Variants in FBXL17 observed in about 807,000 individuals in gnomAD.
The protein encoded by FBXL17 is F-box and leucine rich repeat protein 17.
In FBXL17, 22 loss-of-function variants were observed where a neutral mutation model predicts 66.2. That is an observed-to-expected ratio of 0.33 (90% CI 0.24 to 0.47). The LOEUF is 0.47. FBXL17 is among the 20% of genes least tolerant of loss of function. The probability of loss-of-function intolerance (pLI) is 1.00; values close to 1 mark genes in which losing one functional copy is unlikely to be tolerated. For synonymous variants in FBXL17, 474 were observed against 400.5 expected, an observed-to-expected ratio of 1.18 and a Z score of -2.19; for missense variants, 878 against 948.2, an observed-to-expected ratio of 0.93 and a Z score of 0.97.
At chr5:108,236,959 G>A (rs1027707649) in intron 4 of FBXL17, among the ~76,000 whole-genome samples, 3 of 152,090 alleles carry the variant, frequency 2.0e-5, no homozygotes, top group Non-Finnish European at 2.9e-5. Flanking sequence ...ATATAGATTC[G>A]GGTTAGGAGT....
chr5:108,295,975 A>AC (rs1334534080), intron 4 of FBXL17, among the ~76,000 whole-genome samples: 2 of 151,672 alleles, frequency 1.3e-5, no homozygotes, highest in Non-Finnish European at 3.0e-5. Context: ...AAAAAAAAAA[A>AC]AAAAAACCTT....
chr5:108,261,331 G>T (rs531296725), intron 4 of FBXL17, among the ~76,000 whole-genome samples: 1 of 151,986 alleles, frequency 6.6e-6, no homozygotes, highest in African/African-American at 2.4e-5. Context: ...AACTAAAAAA[G>T]AAAGATCAAA....
At chr5:107,884,245 A>T (rs1274475679) in intron 7 of FBXL17, among the ~76,000 whole-genome samples, 1 of 152,170 alleles carries the variant, frequency 6.6e-6, no homozygotes, top group Admixed American at 6.5e-5. Context: ...ACAGAACAAC[A>T]TTTAGCTGGG....
At chr5:107,888,443 C>T (rs2112512843) in intron 7 of FBXL17, among the ~76,000 whole-genome samples, 1 of 152,264 alleles carries the variant, frequency 6.6e-6, no homozygotes, top group South Asian at 2.1e-4. Context: ...GTAAAGTTCA[C>T]ACAGCTGTGT....
chr5:108,055,485 T>G (rs1054491336), intron 6 of FBXL17, among the ~76,000 whole-genome samples: 1 of 149,950 alleles, frequency 6.7e-6, no homozygotes. Flanking sequence ...GGTGGGCGCC[T>G]GTAGTCCCAG....
At chr5:108,361,245 C>T (rs1033355880) in intron 3 of FBXL17, among the ~76,000 whole-genome samples, 6 of 152,146 alleles carry the variant, frequency 3.9e-5, no homozygotes, top group African/African-American at 1.4e-4. Context: ...CTTCCCTACG[C>T]TTCACTATTT....
rs1751874739 is a variant in FBXL17 at position 107,960,884 on chromosome 5, ATC to A, written c.1822+60039_1822+60040del. On this transcript the variant is annotated intron_variant, in intron 7 of 8. Coordinates refer to ENST00000542267, the MANE Select transcript of FBXL17 (RefSeq NM_001163315.3). ...CAATCCAAACTGTAGGGAGTTCCAA[ATC>A]TATAGACAAAGAAGGGGAAGTAAGT... 4.6e-5 allele frequency among the ~76,000 whole-genome samples: 7 copies of A among 152,304 alleles called. 1 individual carries two copies. The South Asian group carries it at 1.4e-3, about 32-fold the overall frequency.
chr5:108,371,678 A>T (rs1269451732), intron 1 of FBXL17, among the ~76,000 whole-genome samples: 1 of 152,228 alleles, frequency 6.6e-6, no homozygotes, highest in Non-Finnish European at 1.5e-5. Context: ...AATTATGAGA[A>T]CCAAATAGAA....
At chr5:107,913,418 T>C (rs1274767304) in intron 7 of FBXL17, among the ~76,000 whole-genome samples, 1 of 152,160 alleles carries the variant, frequency 6.6e-6, no homozygotes, top group Non-Finnish European at 1.5e-5. Context: ...AAGTAACATT[T>C]GCTTCTGATA....
intron 7 of FBXL17, among the ~76,000 whole-genome samples, chr5:107,969,969 C>A: frequency 6.6e-6 from 1 of 152,278 alleles, no homozygotes; most frequent in Middle Eastern, 3.4e-3. Context: ...AAAAACCTCA[C>A]TAGGGCATAT....
intron 4 of FBXL17, among the ~76,000 whole-genome samples, chr5:108,237,405 C>A (rs1477897775): frequency 2.0e-5 from 3 of 152,170 alleles, no homozygotes; most frequent in African/African-American, 7.2e-5. Flanking sequence ...CATCCCAGTT[C>A]GGTTCAGTTC....
At chr5:108,168,145 AC>A (rs1360424091) in intron 6 of FBXL17, among the ~76,000 whole-genome samples, 2 of 150,104 alleles carry the variant, frequency 1.3e-5, no homozygotes, top group Non-Finnish European at 3.0e-5. Context: ...TAAAAATTGA[AC>A]AAAATTTACT....
intron 6 of FBXL17, among the ~76,000 whole-genome samples, chr5:108,074,541 C>G (rs1303007035): frequency 6.6e-6 from 1 of 151,962 alleles, no homozygotes; most frequent in Non-Finnish European, 1.5e-5. Context: ...CTATTTATCT[C>G]TACTCTTTCT....
chr5:108,142,880 T>C (rs1319501979), intron 6 of FBXL17, among the ~76,000 whole-genome samples: 2 of 151,952 alleles, frequency 1.3e-5, no homozygotes, highest in Non-Finnish European at 2.9e-5. Flanking sequence ...GAATACCTAA[T>C]GTAGATGACG....
At chr5:108,378,329 T>TTTTG (rs149601086) in intron 1 of FBXL17, among the ~76,000 whole-genome samples, 35,369 of 150,680 alleles carry the variant, frequency 0.23, 5,351 homozygotes, top group African/African-American at 0.43. Flanking sequence ...CGTTTTTGTT[T>TTTTG]TTTGTTTTTT....
intron 6 of FBXL17, among the ~76,000 whole-genome samples, chr5:108,055,881 C>G (rs995753426): frequency 4.6e-5 from 7 of 151,918 alleles, no homozygotes; most frequent in African/African-American, 1.7e-4. Context: ...GTCCTCATGT[C>G]ATTTTTAGCT....
intron 3 of FBXL17, among the ~76,000 whole-genome samples, chr5:108,356,324 C>G (rs1747984541): frequency 6.6e-6 from 1 of 151,990 alleles, no homozygotes; most frequent in Non-Finnish European, 1.5e-5. Flanking sequence ...AATCATGTAC[C>G]TTGGTTTGTA....
intron 4 of FBXL17, among the ~76,000 whole-genome samples, chr5:108,347,587 G>A (rs1038666117): frequency 2.6e-4 from 39 of 152,210 alleles, no homozygotes; most frequent in African/African-American, 8.9e-4. Context: ...ACAAGACCAC[G>A]TATCACGTGA....
At position 108,035,387 on chromosome 5, in the gene FBXL17, A is replaced by T. The variant is rs145028529; in HGVS notation, c.1746-14386T>A. On this transcript the variant is annotated intron_variant, in intron 6 of 8. Coordinates refer to ENST00000542267, the MANE Select transcript of FBXL17 (RefSeq NM_001163315.3). ...TTTGTTTGTTTTTTTCTTTTCTGAGATGGAGTGTCGCTTTTGTTGCCCAGG... is the reference window on the plus strand; with the variant it reads ...TTTGTTTGTTTTTTTCTTTTCTGAGTTGGAGTGTCGCTTTTGTTGCCCAGG... Among the ~76,000 whole-genome samples the T allele has an allele frequency of 3.0e-3, 452 of 151,954 alleles. 1 individual carries two copies. Among genetic ancestry groups the T allele is most frequent in the South Asian group, 5.4e-3 (26 of 4,806 alleles).
Sources: allele counts gnomAD v4.1 joint callset (sites outside exome capture counted in the v4.1 genomes callset), GRCh38; gene constraint gnomAD v4.1.1; transcripts MANE v1.5; gene names NCBI Gene and HGNC (gene_info 2026-07-23, HGNC 2026-07-21).